The following NFILZ variants were observed in gnomAD, a reference collection of about 807,000 sequenced individuals.
NFILZ encodes NFIL3 like protein.
intron 3 of NFILZ, among the ~76,000 whole-genome samples, chr19:8,636,714 C>T (rs2042896474): frequency 6.6e-6 from 1 of 151,890 alleles, no homozygotes; most frequent in Non-Finnish European, 1.5e-5. Flanking sequence ...GCCTTGGCCT[C>T]CCAAAGTGCT....
chr19:8,632,091 A>C (rs567974138), intron 1 of NFILZ, among the ~76,000 whole-genome samples: 18 of 150,894 alleles, frequency 1.2e-4, no homozygotes, highest in Non-Finnish European at 2.2e-4. Flanking sequence ...CTGGTCTCGA[A>C]CTCCTGACCT....
intron 3 of NFILZ, among the ~76,000 whole-genome samples, chr19:8,647,059 A>T (rs1555747123): frequency 1.3e-5 from 2 of 152,172 alleles, no homozygotes; most frequent in Non-Finnish European, 2.9e-5. Flanking sequence ...CCTGCCTTAT[A>T]AGTTTGGGTG....
At chr19:8,631,091 A>G (rs2042867623) in intron 1 of NFILZ, among the ~76,000 whole-genome samples, 1 of 152,132 alleles carries the variant, frequency 6.6e-6, no homozygotes, top group South Asian at 2.1e-4. Context: ...AACTCCTTTG[A>G]TATTTTTTCC....
chr19:8,671,730 C>T (rs781784465), intron 3 of NFILZ, among the ~76,000 whole-genome samples: 34 of 152,150 alleles, frequency 2.2e-4, no homozygotes, highest in East Asian at 1.5e-3. Flanking sequence ...CCCAGAGCTC[C>T]GGGATGTGCC....
chr19:8,655,914 G>A (rs1438102051), intron 3 of NFILZ, among the ~76,000 whole-genome samples: 26 of 151,906 alleles, frequency 1.7e-4, no homozygotes, highest in African/African-American at 6.3e-4. Flanking sequence ...TCTGGTTCAG[G>A]GGGGGTCTCT....
Position 8,676,515 on chromosome 19 carries a change from C to A in NFILZ, c.-16+59C>A, listed in dbSNP as rs1178548925. Among the ~76,000 whole-genome samples, 6 of 152,276 alleles carry A rather than the reference C, an allele frequency of 3.9e-5. No homozygotes were observed. In the East Asian group the frequency reaches 9.7e-4, roughly 25 times the overall value. On this transcript the variant is annotated intron_variant, in intron 5 of 5. Coordinates refer to ENST00000691075, the MANE Select transcript of NFILZ (RefSeq NM_001378600.1). ...TTCTGAGGGTACAGGGTTGAACCAG[C>A]TCTTCATGATGACGGTGGTCTGCTC... is the stretch of plus-strand genomic sequence containing the variant.
chr19:8,652,535 C>T (rs1378444624), intron 3 of NFILZ, among the ~76,000 whole-genome samples: 3 of 152,138 alleles, frequency 2.0e-5, no homozygotes, highest in Non-Finnish European at 2.9e-5. Flanking sequence ...TGGCAACTTA[C>T]GCTTTAAAAT....
intron 3 of NFILZ, among the ~76,000 whole-genome samples, chr19:8,665,944 A>G (rs1370801877): frequency 6.6e-6 from 1 of 152,178 alleles, no homozygotes; most frequent in Non-Finnish European, 1.5e-5. Context: ...CCTCTCTTAG[A>G]GCAAAAGAAA....
At chr19:8,653,791 T>G (rs2042979884) in intron 3 of NFILZ, among the ~76,000 whole-genome samples, 1 of 152,196 alleles carries the variant, frequency 6.6e-6, no homozygotes, top group Non-Finnish European at 1.5e-5. Flanking sequence ...ACGCATAGAA[T>G]GGCATCATGG....
chr19:8,647,791 GCGCGCACACACACACACACACACACA>G (rs1460225509), intron 3 of NFILZ, among the ~76,000 whole-genome samples: 1 of 69,950 alleles, frequency 1.4e-5, no homozygotes, highest in Non-Finnish European at 3.0e-5. Context: ...GCGCGCGCGC[GCGCGCACACACACACACACACACACA>G]CACACACACA....
Position 8,653,041 on chromosome 19 carries a change from T to TTTCTCTCTCC in NFILZ, c.-164+17295_-164+17296insTTCTCTCTCC, listed in dbSNP as rs2042975623. Among the ~76,000 whole-genome samples, 54 of 63,208 alleles carry TTTCTCTCTCC rather than the reference T, an allele frequency of 8.5e-4. 1 individual carries two copies. The highest frequency in any genetic ancestry group is 2.3e-3 in the East Asian group (5 of 2,206). 41.5% of individuals were successfully genotyped at this position (63,208 alleles called of 152,430 possible). On this transcript the variant is annotated intron_variant, in intron 3 of 5. Transcript: ENST00000691075. ...CTTTCTTTCTTTCTTTCTTTCTTTCTCTCTCTCTCTCTCTCTCTCTCTCTC... is the reference window on the plus strand; with the variant it reads ...CTTTCTTTCTTTCTTTCTTTCTTTCTTTCTCTCTCCCTCTCTCTCTCTCTCTCTCTCTCTC...
intron 3 of NFILZ, among the ~76,000 whole-genome samples, chr19:8,649,353 C>A (rs781902551): frequency 3.9e-5 from 6 of 151,906 alleles, no homozygotes; most frequent in Non-Finnish European, 8.8e-5. Flanking sequence ...GAAACCTCTA[C>A]CTCCCGAGTT....
chr19:8,645,118 T>A (rs1201557730), intron 3 of NFILZ, among the ~76,000 whole-genome samples: 1 of 150,100 alleles, frequency 6.7e-6, no homozygotes, highest in African/African-American at 2.5e-5. Context: ...TCTCACTGTA[T>A]GAGATACAAT....
At chr19:8,656,475 T>C (rs79929450) in intron 3 of NFILZ, among the ~76,000 whole-genome samples, 2,689 of 15,192 alleles carry the variant, frequency 0.18, 227 homozygotes, top group East Asian at 0.25. Context: ...AAGCCCACCT[T>C]CTCCCGCAGC....
intron 3 of NFILZ, among the ~76,000 whole-genome samples, chr19:8,661,920 C>T (rs1792493447): frequency 6.6e-6 from 1 of 151,956 alleles, no homozygotes; most frequent in Non-Finnish European, 1.5e-5. Context: ...GTAAAATAGG[C>T]CAGGCGAGGT....
intron 3 of NFILZ, among the ~76,000 whole-genome samples, chr19:8,666,418 C>T (rs2043062435): frequency 6.6e-6 from 1 of 151,646 alleles, no homozygotes; most frequent in Non-Finnish European, 1.5e-5. Context: ...TCAAGCGATC[C>T]ACCTGTCTCA....
Position 8,670,430 on chromosome 19 carries a change from G to A in NFILZ, c.-163-4121G>A, listed in dbSNP as rs552546664. Among the ~76,000 whole-genome samples, 12 of 152,148 alleles carry A rather than the reference G, an allele frequency of 7.9e-5. No homozygotes were observed. The South Asian group carries it at 1.5e-3, about 18-fold the overall frequency. ...TATTTTTTAGAATAAACCATTAAAC[G>A]TATGAATATTTTGGGAATGAACCAA... On this transcript the variant is annotated intron_variant, in intron 3 of 5. Coordinates refer to ENST00000691075, the MANE Select transcript of NFILZ (RefSeq NM_001378600.1).
chr19:8,675,798 G>T (rs2146174567), intron 4 of NFILZ, among the ~76,000 whole-genome samples: 1 of 152,234 alleles, frequency 6.6e-6, no homozygotes. Context: ...TTGGATGAAT[G>T]GATGGACCCA....
chr19:8,647,784 C>T (rs1430048519), intron 3 of NFILZ, among the ~76,000 whole-genome samples: 15 of 88,026 alleles, frequency 1.7e-4, no homozygotes, highest in Admixed American at 3.3e-4. Flanking sequence ...CACATGCGCG[C>T]GCGCGCGCGC....
Sources: gnomAD v4.1 joint callset for allele counts (sites outside exome capture counted in the v4.1 genomes callset) on GRCh38, gnomAD v4.1.1 for gene constraint, MANE v1.5 for transcripts, NCBI Gene and HGNC (gene_info 2026-07-23, HGNC 2026-07-21) for gene names.